The following MACROD2 variants were observed in gnomAD, a reference collection of about 807,000 sequenced individuals.
MACROD2 encodes mono-ADP ribosylhydrolase 2, also known as ADP-ribose glycohydrolase MACROD2.
A neutral mutation model predicts 70.4 loss-of-function variants in MACROD2; 36 were observed. That is an observed-to-expected ratio of 0.51 (90% CI 0.39 to 0.68). MACROD2 has a LOEUF of 0.68. MACROD2 is among the 30% of genes least tolerant of loss of function. The pLI, the probability that MACROD2 is intolerant of heterozygous loss-of-function variation, is 0.00. For missense variants in MACROD2, 496 were observed against 538.4 expected (o/e 0.92, Z 0.78); for synonymous variants, 172 against 178.8 (o/e 0.96, Z 0.30).
At chr20:15,916,930 G>A (rs1164904505) in intron 10 of MACROD2, among the ~76,000 whole-genome samples, 2 of 152,172 alleles carry the variant, frequency 1.3e-5, no homozygotes, top group Non-Finnish European at 2.9e-5. Context: ...TAAAGGACCA[G>A]ATGGGAAATA....
intron 4 of MACROD2, among the ~76,000 whole-genome samples, chr20:14,552,160 A>G (rs960462927): frequency 6.6e-6 from 1 of 150,788 alleles, no homozygotes; most frequent in African/African-American, 2.4e-5. Flanking sequence ...TTTATTCTTT[A>G]TTTCATGTGA....
chr20:14,134,812 A>AAC (rs1319559041), intron 3 of MACROD2, among the ~76,000 whole-genome samples: 8 of 151,346 alleles, frequency 5.3e-5, no homozygotes, highest in African/African-American at 1.9e-4. Flanking sequence ...AAAAAAAAAA[A>AAC]AAAAAAAAAA....
At chr20:15,748,214 A>G (rs56344260) in intron 8 of MACROD2, among the ~76,000 whole-genome samples, 20,511 of 152,048 alleles carry the variant, frequency 0.13, 1,536 homozygotes, top group Non-Finnish European at 0.16. Context: ...ACCTCCTACA[A>G]AGAATGGGGC....
At chr20:15,824,567 T>C (rs1253793787) in intron 8 of MACROD2, among the ~76,000 whole-genome samples, 1 of 152,180 alleles carries the variant, frequency 6.6e-6, no homozygotes, top group African/African-American at 2.4e-5. Flanking sequence ...CTGCAGCCTA[T>C]TCATGACATA....
chr20:14,621,035 A>G (rs1305275825), intron 4 of MACROD2, among the ~76,000 whole-genome samples: 1 of 152,126 alleles, frequency 6.6e-6, no homozygotes, highest in African/African-American at 2.4e-5. Context: ...TATGAAATCA[A>G]GTACAGAGCG....
chr20:15,832,795 C>A (rs977812073), intron 8 of MACROD2, among the ~76,000 whole-genome samples: 1 of 152,164 alleles, frequency 6.6e-6, no homozygotes, highest in Admixed American at 6.5e-5. Flanking sequence ...CCCGCATGTT[C>A]AACAAGTTGT....
chr20:15,781,675 C>T lies in MACROD2; in HGVS notation c.646-81070C>T, dbSNP rs569307946. Among the ~76,000 whole-genome samples the T allele has an allele frequency of 7.9e-5, 12 of 152,248 alleles. No individual in the cohort carries two copies. The South Asian group carries it at 2.5e-3, about 32-fold the overall frequency. ...TTATGAGGAGAGGAGGCCTCATGAC[C>T]TAATCATCTTAATATGTACACATTG... On this transcript the variant is annotated intron_variant, in intron 8 of 17. Coordinates refer to ENST00000684519, the MANE Select transcript of MACROD2 (RefSeq NM_001351661.2).
At chr20:14,473,999 TTTA>T (rs1260295725) in intron 3 of MACROD2, among the ~76,000 whole-genome samples, 1 of 152,058 alleles carries the variant, frequency 6.6e-6, no homozygotes, top group African/African-American at 2.4e-5. Flanking sequence ...GTTGGATTAT[TTTA>T]TTATTATTAT....
chr20:14,644,905 A>G (rs970636034), intron 4 of MACROD2, among the ~76,000 whole-genome samples: 2 of 152,166 alleles, frequency 1.3e-5, no homozygotes, highest in African/African-American at 4.8e-5. Context: ...AGGCAGTGGC[A>G]TGGAAGGGAG....
intron 17 of MACROD2, among the ~76,000 whole-genome samples, chr20:16,046,409 A>C (rs1170698401): frequency 6.6e-6 from 1 of 151,906 alleles, no homozygotes; most frequent in Non-Finnish European, 1.5e-5. Context: ...AGGAGTTTCC[A>C]TTAAAAAGTA....
At chr20:15,647,348 G>A (rs1427630358) in intron 8 of MACROD2, among the ~76,000 whole-genome samples, 6 of 152,160 alleles carry the variant, frequency 3.9e-5, no homozygotes, top group Non-Finnish European at 7.3e-5. Context: ...AACAAAGATG[G>A]TATGTATGAA....
intron 3 of MACROD2, among the ~76,000 whole-genome samples, chr20:14,394,629 C>A (rs537610229): frequency 1.2e-4 from 18 of 152,166 alleles, no homozygotes; most frequent in Non-Finnish European, 2.4e-4. Context: ...CCATACAATG[C>A]TGAATAGCAG....
intron 3 of MACROD2, chr20:14,337,512 G>C (rs1265932287): frequency 1.5e-5 from 6 of 398,682 alleles, no homozygotes. Context: ...TCTGCGTCCA[G>C]TCCACACAAA....
At chr20:14,583,261 A>G (rs1027601924) in intron 4 of MACROD2, among the ~76,000 whole-genome samples, 3 of 152,122 alleles carry the variant, frequency 2.0e-5, no homozygotes, top group African/African-American at 7.2e-5. Flanking sequence ...TGGAGTTCCT[A>G]ACCCACAGAC....
At chr20:15,637,585 G>A (rs2049389978) in intron 8 of MACROD2, among the ~76,000 whole-genome samples, 1 of 152,178 alleles carries the variant, frequency 6.6e-6, no homozygotes, top group Non-Finnish European at 1.5e-5. Context: ...TGTTCAAGTA[G>A]CTGCTCTATT....
intron 5 of MACROD2, among the ~76,000 whole-genome samples, chr20:14,750,351 A>G (rs566936456): frequency 1.4e-4 from 21 of 152,274 alleles, no homozygotes; most frequent in African/African-American, 5.1e-4. Flanking sequence ...ATGTTTCATA[A>G]AAACGTTAAT....
chr20:15,563,506 T>G (rs2048272050), intron 8 of MACROD2, among the ~76,000 whole-genome samples: 2 of 152,168 alleles, frequency 1.3e-5, no homozygotes, highest in Admixed American at 1.3e-4. Flanking sequence ...TTGAGCATAA[T>G]AAGAAAGAAT....
chr20:14,169,978 C>A (rs2081206742), intron 3 of MACROD2, among the ~76,000 whole-genome samples: 1 of 152,008 alleles, frequency 6.6e-6, no homozygotes, highest in Non-Finnish European at 1.5e-5. Flanking sequence ...ACTGCAATCT[C>A]CACTTCCCAA....
At chr20:14,161,916 A>T (rs1270580836) in intron 3 of MACROD2, among the ~76,000 whole-genome samples, 7 of 152,152 alleles carry the variant, frequency 4.6e-5, no homozygotes, top group Admixed American at 4.6e-4. Flanking sequence ...AGTTGATTCA[A>T]TCACTTTGCT....
Sources: gnomAD v4.1 joint callset for allele counts (sites outside exome capture counted in the v4.1 genomes callset) on GRCh38, gnomAD v4.1.1 for gene constraint, MANE v1.5 for transcripts, NCBI Gene and HGNC (gene_info 2026-07-23, HGNC 2026-07-21) for gene names.